FOXP2: variants seen among roughly 807,000 people sequenced by gnomAD.
FOXP2 encodes the protein forkhead box protein P2.
In FOXP2, 12 loss-of-function variants were observed where a neutral mutation model predicts 115.8. That is an observed-to-expected ratio of 0.10 (90% CI 0.07 to 0.17). FOXP2 has a LOEUF of 0.17. Among genes scored for constraint, FOXP2 ranks in the 10% least tolerant of loss-of-function variants. FOXP2 has a pLI of 1.00. For missense variants in FOXP2, 629 were observed against 843.5 expected (o/e 0.75, Z 3.15); for synonymous variants, 328 against 297.7 (o/e 1.10, Z -1.05).
intron 2 of FOXP2, among the ~76,000 whole-genome samples, chr7:114,390,692 C>G (rs1023697257): frequency 1.3e-5 from 2 of 151,940 alleles, no homozygotes; most frequent in Non-Finnish European, 2.9e-5. Flanking sequence ...GTAGCTGGGA[C>G]TACAGCTGCC....
chr7:114,440,784 C>CTG (rs1201602514), intron 2 of FOXP2, among the ~76,000 whole-genome samples: 1 of 152,150 alleles, frequency 6.6e-6, no homozygotes, highest in Non-Finnish European at 1.5e-5. Context: ...CTTGATCCTA[C>CTG]TGTACATCAG....
At chr7:114,605,998 A>T (rs1803298939) in intron 3 of FOXP2, among the ~76,000 whole-genome samples, 1 of 152,172 alleles carries the variant, frequency 6.6e-6, no homozygotes, top group African/African-American at 2.4e-5. Context: ...AATAGTCCAA[A>T]TGAAAAATGG....
intron 1 of FOXP2, among the ~76,000 whole-genome samples, chr7:114,231,500 A>C (rs1003309735): frequency 2.0e-5 from 3 of 152,194 alleles, no homozygotes; most frequent in Non-Finnish European, 4.4e-5. Context: ...AGTAATCAAA[A>C]CAGTATGGTA....
intron 1 of FOXP2, among the ~76,000 whole-genome samples, chr7:114,199,190 T>C (rs1051563503): frequency 6.6e-6 from 1 of 152,120 alleles, no homozygotes; most frequent in African/African-American, 2.4e-5. Flanking sequence ...CCCTCAAATA[T>C]TAATTTCACC....
At chr7:114,089,577 T>A (rs1562960565) in intron 1 of FOXP2, among the ~76,000 whole-genome samples, 1 of 151,988 alleles carries the variant, frequency 6.6e-6, no homozygotes, top group African/African-American at 2.4e-5. Flanking sequence ...ATGAAGAGAT[T>A]TATGAAATGG....
intron 1 of FOXP2, among the ~76,000 whole-genome samples, chr7:114,286,031 A>T (rs1232373996): frequency 6.6e-5 from 10 of 151,670 alleles, no homozygotes; most frequent in Admixed American, 5.3e-4. Context: ...TATTTGCCTA[A>T]TTTTTTTTCT....
chr7:114,566,129 G>A (rs1584902568), intron 3 of FOXP2, among the ~76,000 whole-genome samples: 1 of 152,214 alleles, frequency 6.6e-6, no homozygotes, highest in East Asian at 1.9e-4. Flanking sequence ...CATCAAATCA[G>A]CAAACACAAC....
intron 2 of FOXP2, among the ~76,000 whole-genome samples, chr7:114,509,541 G>C (rs1205451532): frequency 1.3e-5 from 2 of 151,966 alleles, no homozygotes; most frequent in African/African-American, 2.4e-5. Context: ...GTTAATTTTT[G>C]ATAGGTTGAT....
In FOXP2 at chr7:114,273,421, A is replaced by G. The variant is rs1174157428; in HGVS notation, c.-101-14598A>G. Among the ~76,000 whole-genome samples the G allele has an allele frequency of 2.0e-5, 3 of 151,930 alleles. No homozygotes were observed. The South Asian group carries it at 6.2e-4, about 31-fold the overall frequency. On this transcript the variant is annotated intron_variant, in intron 1 of 17. Transcript: ENST00000634411. The stretch of plus-strand genomic sequence containing the variant: ...TGAGAAGAATGAGTATTCTGCTGGT[A>G]TTATTGGCCGTCTCATGTAGTCTAC...
intron 2 of FOXP2, among the ~76,000 whole-genome samples, chr7:114,454,134 A>G (rs1795188332): frequency 2.0e-5 from 3 of 150,668 alleles, no homozygotes; most frequent in Admixed American, 2.0e-4. Context: ...CAAAGGGCTA[A>G]TATCCAGAAT....
At chr7:114,526,217 G>A (rs1237945604) in intron 2 of FOXP2, among the ~76,000 whole-genome samples, 1 of 129,166 alleles carries the variant, frequency 7.7e-6, no homozygotes, top group Non-Finnish European at 1.6e-5. Context: ...AGTGGCTCAC[G>A]CCTCTAATCC....
intron 2 of FOXP2, among the ~76,000 whole-genome samples, chr7:114,487,496 A>G (rs1449689550): frequency 1.3e-5 from 2 of 152,164 alleles, no homozygotes; most frequent in Non-Finnish European, 2.9e-5. Flanking sequence ...TGGGCCCCTC[A>G]TTACTTATGC....
intron 16 of FOXP2, among the ~76,000 whole-genome samples, chr7:114,676,888 T>C (rs1807798038): frequency 1.3e-5 from 2 of 152,170 alleles, no homozygotes; most frequent in Non-Finnish European, 2.9e-5. Flanking sequence ...GCCCATATTG[T>C]AGATATGAGT....
At chr7:114,528,674 T>C (rs1798990749) in intron 2 of FOXP2, among the ~76,000 whole-genome samples, 1 of 151,962 alleles carries the variant, frequency 6.6e-6, no homozygotes, top group Non-Finnish European at 1.5e-5. Context: ...TAGCATGTAT[T>C]TTTCAGTTAA....
chr7:114,381,541 A>G (rs1028088482), intron 2 of FOXP2, among the ~76,000 whole-genome samples: 1 of 152,214 alleles, frequency 6.6e-6, no homozygotes, highest in Admixed American at 6.5e-5. Context: ...CTTTAAAGGC[A>G]AACAAGAATT....
At chr7:114,558,342 G>T (rs74319056) in intron 3 of FOXP2, among the ~76,000 whole-genome samples, 203 of 152,144 alleles carry the variant, frequency 1.3e-3, no homozygotes, top group African/African-American at 4.7e-3. Flanking sequence ...AACACTAATA[G>T]GACTCCAGAT....
At chr7:114,512,140 G>A (rs1798108514) in intron 2 of FOXP2, among the ~76,000 whole-genome samples, 2 of 152,212 alleles carry the variant, frequency 1.3e-5, no homozygotes, top group South Asian at 2.1e-4. Context: ...GAAAAGTCAT[G>A]TTCTAGCGCC....
At chr7:114,475,854 A>G (rs902844322) in intron 2 of FOXP2, among the ~76,000 whole-genome samples, 2 of 151,998 alleles carry the variant, frequency 1.3e-5, no homozygotes, top group Admixed American at 1.3e-4. Flanking sequence ...GATATTGACT[A>G]TGACTATGTC....
In FOXP2 at chr7:114,646,203, C is replaced by A. The variant is rs144090373; in HGVS notation, c.1094+1414C>A. Among the ~76,000 whole-genome samples, 940 of 151,728 alleles carry A rather than the reference C, an allele frequency of 6.2e-3. 8 individuals carry two copies. The highest frequency in any genetic ancestry group is 0.021 in the African/African-American group (871 of 41,404). On this transcript the variant is annotated intron_variant, in intron 8 of 16. Coordinates refer to ENST00000350908, the MANE Select transcript of FOXP2 (RefSeq NM_014491.4). ...CTTGTCATTGAAATTATGTAAAGGG[C>A]TATTGTTACATTTTTTTAAGAATGG... is the stretch of plus-strand genomic sequence containing the variant.
Sources: gnomAD v4.1 joint callset for allele counts (sites outside exome capture counted in the v4.1 genomes callset) on GRCh38, gnomAD v4.1.1 for gene constraint, MANE v1.5 for transcripts, NCBI Gene and HGNC (gene_info 2026-07-23, HGNC 2026-07-21) for gene names.